The following PID1 variants were observed in gnomAD, a reference collection of about 807,000 sequenced individuals.
PID1 encodes the protein phosphotyrosine interaction domain containing 1.
In PID1, 10 loss-of-function variants were observed where a neutral mutation model predicts 19.1. The ratio of observed to expected loss-of-function variants is 0.52; its 90% CI spans 0.32 to 0.89. The LOEUF is 0.89. PID1 is among the 40% of genes least tolerant of loss of function. PID1 has a pLI of 0.03. For missense variants in PID1, 248 were observed against 285.3 expected (o/e 0.87, Z 0.94); for synonymous variants, 130 against 116.0 (o/e 1.12, Z -0.78).
At chr2:229,054,843 A>G (rs1004960000) in intron 2 of PID1, among the ~76,000 whole-genome samples, 8 of 151,272 alleles carry the variant, frequency 5.3e-5, no homozygotes, top group Admixed American at 4.0e-4. Context: ...TGGCTCCCTC[A>G]TGGATTGGTA....
chr2:229,042,983 AAG>A (rs1017083704), intron 2 of PID1, among the ~76,000 whole-genome samples: 1 of 150,562 alleles, frequency 6.6e-6, no homozygotes. Context: ...GTAGCGCAGA[AAG>A]AGAGAGAGAG....
chr2:229,053,770 A>T (rs749167392), intron 2 of PID1, among the ~76,000 whole-genome samples: 1 of 152,250 alleles, frequency 6.6e-6, no homozygotes, highest in Non-Finnish European at 1.5e-5. Flanking sequence ...ATGATAAAAT[A>T]TCAAATGATT....
intron 2 of PID1, among the ~76,000 whole-genome samples, chr2:229,050,122 A>C (rs889162355): frequency 1.3e-5 from 2 of 152,176 alleles, no homozygotes; most frequent in Non-Finnish European, 2.9e-5. Context: ...TCTTTAGGTT[A>C]TCTTTCTGCG....
intron 2 of PID1, among the ~76,000 whole-genome samples, chr2:229,033,678 T>C (rs1559202591): frequency 6.6e-6 from 1 of 152,110 alleles, no homozygotes; most frequent in Non-Finnish European, 1.5e-5. Flanking sequence ...TGAAATATAA[T>C]AAAAAAATTA....
intron 1 of PID1, among the ~76,000 whole-genome samples, chr2:229,169,465 C>G (rs1189876920): frequency 6.6e-6 from 1 of 152,128 alleles, no homozygotes; most frequent in Non-Finnish European, 1.5e-5. Context: ...AATGCTTTCT[C>G]TAGCTTCCTA....
intron 1 of PID1, among the ~76,000 whole-genome samples, chr2:229,163,203 C>T (rs941415588): frequency 6.6e-6 from 1 of 152,100 alleles, no homozygotes; most frequent in African/African-American, 2.4e-5. Context: ...ATCTAGCAGG[C>T]ATATACAAAA....
intron 2 of PID1, among the ~76,000 whole-genome samples, chr2:229,029,447 C>G (rs1693498347): frequency 6.6e-6 from 1 of 151,538 alleles, no homozygotes; most frequent in Non-Finnish European, 1.5e-5. Context: ...CAAGTGTTGG[C>G]AAGGATGAAG....
chr2:229,189,109 T>G (rs1691200484), intron 1 of PID1, among the ~76,000 whole-genome samples: 1 of 152,142 alleles, frequency 6.6e-6, no homozygotes, highest in East Asian at 1.9e-4. Flanking sequence ...CCACATCTCA[T>G]TTACCGTCAT....
chr2:229,144,789 G>A (rs1175315245), intron 2 of PID1, among the ~76,000 whole-genome samples: 1 of 152,058 alleles, frequency 6.6e-6, no homozygotes, highest in Non-Finnish European at 1.5e-5. Flanking sequence ...CAGGACTGAG[G>A]TGTGCAGAAG....
intron 1 of PID1, among the ~76,000 whole-genome samples, chr2:229,179,974 C>A (rs1690905236): frequency 6.6e-6 from 1 of 152,202 alleles, no homozygotes; most frequent in Non-Finnish European, 1.5e-5. Flanking sequence ...CCCCACCCAG[C>A]ACAAGACCAA....
intron 1 of PID1, among the ~76,000 whole-genome samples, chr2:229,208,737 A>C (rs913566094): frequency 6.6e-6 from 1 of 152,202 alleles, no homozygotes; most frequent in African/African-American, 2.4e-5. Flanking sequence ...TCAAAGCAAC[A>C]TGTGTCCCTT....
chr2:229,100,384 A>G (rs1326784503), intron 2 of PID1, among the ~76,000 whole-genome samples: 2 of 152,226 alleles, frequency 1.3e-5, no homozygotes, highest in African/African-American at 4.8e-5. Flanking sequence ...TATCACATCA[A>G]ACAACATTTC....
chr2:229,200,858 C>T (rs1691484495), intron 1 of PID1, among the ~76,000 whole-genome samples: 1 of 152,044 alleles, frequency 6.6e-6, no homozygotes, highest in African/African-American at 2.4e-5. Context: ...AAGGGGAATG[C>T]CTCACCTGTT....
intron 1 of PID1, among the ~76,000 whole-genome samples, chr2:229,169,785 T>A (rs1690673881): frequency 6.6e-6 from 1 of 152,166 alleles, no homozygotes; most frequent in Admixed American, 6.5e-5. Context: ...ACATGAACCC[T>A]GCAACTCTCT....
intron 2 of PID1, among the ~76,000 whole-genome samples, chr2:229,102,839 A>G (rs1271209625): frequency 6.6e-6 from 1 of 152,196 alleles, no homozygotes; most frequent in African/African-American, 2.4e-5. Flanking sequence ...TCCACCTGCC[A>G]TGCGGCTCAT....
chr2:229,137,749 A>T (rs1407265895), intron 2 of PID1, among the ~76,000 whole-genome samples: 3 of 152,344 alleles, frequency 2.0e-5, no homozygotes, highest in Middle Eastern at 3.4e-3. Context: ...ATGTAATTTA[A>T]GCTCCATAAA....
intron 2 of PID1, among the ~76,000 whole-genome samples, chr2:229,036,781 G>T (rs1031136720): frequency 2.6e-5 from 4 of 152,060 alleles, no homozygotes; most frequent in Non-Finnish European, 5.9e-5. Flanking sequence ...AAAAAAACCC[G>T]AAAATGGATC....
intron 2 of PID1, among the ~76,000 whole-genome samples, chr2:229,056,278 C>A (rs1195689969): frequency 2.6e-5 from 4 of 152,134 alleles, no homozygotes; most frequent in Non-Finnish European, 5.9e-5. Flanking sequence ...AACGGCCAAA[C>A]CCTTGCCATT....
chr2:229,249,894 A>G (rs965813676), intron 1 of PID1, among the ~76,000 whole-genome samples: 2 of 152,236 alleles, frequency 1.3e-5, no homozygotes, highest in African/African-American at 4.8e-5. Context: ...ACGAAACAAC[A>G]TTAGCAAAAG....
Sources: allele counts gnomAD v4.1 joint callset (sites outside exome capture counted in the v4.1 genomes callset), GRCh38; gene constraint gnomAD v4.1.1; transcripts MANE v1.5; gene names NCBI Gene and HGNC (gene_info 2026-07-23, HGNC 2026-07-21).